RPS6KA5: variants seen among roughly 807,000 people sequenced by gnomAD.
RPS6KA5 encodes ribosomal protein S6 kinase alpha-5.
A neutral mutation model predicts 85.5 loss-of-function variants in RPS6KA5; 27 were observed. The ratio of observed to expected loss-of-function variants is 0.32; its 90% CI spans 0.23 to 0.44. RPS6KA5 has a LOEUF of 0.44. RPS6KA5 is among the 20% of genes least tolerant of loss of function. The pLI, the probability that RPS6KA5 is intolerant of heterozygous loss-of-function variation, is 1.00. For missense variants in RPS6KA5, 811 were observed against 980.9 expected (o/e 0.83, Z 2.31); for synonymous variants, 334 against 348.2 (o/e 0.96, Z 0.46).
intron 5 of RPS6KA5, among the ~76,000 whole-genome samples, chr14:90,933,415 G>C (rs2037092514): frequency 6.6e-6 from 1 of 151,916 alleles, no homozygotes; most frequent in African/African-American, 2.4e-5. Flanking sequence ...CAGCTGTTCT[G>C]GCCAAAAACC....
chr14:90,924,214 C>A (rs1286126), intron 5 of RPS6KA5, among the ~76,000 whole-genome samples: 1,540 of 152,184 alleles, frequency 0.01, 27 homozygotes, highest in African/African-American at 0.036. Flanking sequence ...TTATTTTAAA[C>A]CCTTGCCATC....
chr14:90,938,344 T>C (rs1286119), intron 5 of RPS6KA5, among the ~76,000 whole-genome samples: 117,296 of 152,152 alleles, frequency 0.77, 45,381 homozygotes, highest in East Asian at 0.97. Flanking sequence ...CACAGACTGG[T>C]GTTGAGTGTC....
At chr14:91,002,727 G>C (rs1285523050) in intron 1 of RPS6KA5, among the ~76,000 whole-genome samples, 3 of 152,106 alleles carry the variant, frequency 2.0e-5, no homozygotes, top group African/African-American at 7.2e-5. Context: ...TTAACCATAT[G>C]TACGTTGTTA....
intron 2 of RPS6KA5, among the ~76,000 whole-genome samples, chr14:90,983,691 G>C (rs1467365786): frequency 6.7e-6 from 1 of 149,642 alleles, no homozygotes; most frequent in Non-Finnish European, 1.5e-5. Context: ...GGAAGGGGAG[G>C]GGAAAGGGGC....
intron 16 of RPS6KA5, among the ~76,000 whole-genome samples, chr14:90,873,045 T>C (rs980268848): frequency 2.0e-5 from 3 of 151,984 alleles, no homozygotes; most frequent in Non-Finnish European, 4.4e-5. Flanking sequence ...TCCCTATACC[T>C]TCTCCTTTCT....
At chr14:90,946,472 A>C (rs1384058606) in intron 4 of RPS6KA5, among the ~76,000 whole-genome samples, 1 of 151,804 alleles carries the variant, frequency 6.6e-6, no homozygotes, top group African/African-American at 2.4e-5. Flanking sequence ...ATCTTACCAT[A>C]ATTTATTCTC....
intron 1 of RPS6KA5, among the ~76,000 whole-genome samples, chr14:91,019,333 GGTGA>G (rs147367751): frequency 1.4e-4 from 21 of 152,094 alleles, no homozygotes; most frequent in East Asian, 3.9e-4. Context: ...CTATAATGTG[GGTGA>G]GTGTCATCCA....
chr14:90,888,858 A>T (rs1336157313), intron 14 of RPS6KA5, among the ~76,000 whole-genome samples: 1 of 152,238 alleles, frequency 6.6e-6, no homozygotes, highest in Non-Finnish European at 1.5e-5. Context: ...CCGTATTACC[A>T]TAAACAAAGT....
intron 7 of RPS6KA5, among the ~76,000 whole-genome samples, chr14:90,915,461 AG>A (rs2036067366): frequency 6.6e-6 from 1 of 152,160 alleles, no homozygotes; most frequent in Non-Finnish European, 1.5e-5. Context: ...CCACATTGCA[AG>A]GAACTGAGAG....
intron 1 of RPS6KA5, among the ~76,000 whole-genome samples, chr14:91,034,667 C>T (rs764411861): frequency 1.3e-5 from 2 of 152,192 alleles, no homozygotes; most frequent in Non-Finnish European, 2.9e-5. Flanking sequence ...GCAACCTGCT[C>T]GGGTCCCCTT....
chr14:91,013,510 C>T (rs1309334655), intron 1 of RPS6KA5, among the ~76,000 whole-genome samples: 1 of 151,672 alleles, frequency 6.6e-6, no homozygotes, highest in East Asian at 1.9e-4. Flanking sequence ...AGAAAACCAC[C>T]AAAACAACAG....
Position 90,869,815 on chromosome 14 carries a change from G to C in RPS6KA5, c.*2259C>G, listed in dbSNP as rs1451088981. 2 of 152,186 alleles carry C rather than the reference G, an allele frequency of 1.3e-5. No homozygotes were observed. Among genetic ancestry groups the C allele is most frequent in the African/African-American group, 2.4e-5 (1 of 41,432 alleles). 9.4% of individuals were successfully genotyped at this position (152,186 alleles called of 1,614,324 possible). ...GCTGTCTTTTTGGTACTTATAAGTA[G>C]GGTGTAGATAAAGATATTTGACAAG... On this transcript the variant is annotated 3_prime_UTR_variant, in exon 17 of 17. Transcript: ENST00000614987.
At chr14:90,906,028 C>T (rs908112504) in intron 8 of RPS6KA5, 121 bp downstream of exon 8, 22 of 951,564 alleles carry the variant, frequency 2.3e-5, no homozygotes, top group African/African-American at 2.0e-4. Context: ...GTGCAATGTA[C>T]GTGAAAATGC....
At position 90,857,614 on chromosome 14, in the gene RPS6KA5, A is replaced by G. The variant is rs539587619; in HGVS notation, c.*14460T>C. On this transcript the variant is annotated 3_prime_UTR_variant, in exon 17 of 17. Transcript: ENST00000614987. ...CTTGCAAAAGGTAGGCCAAATATTG[A>G]TGTAGTGTGGGTGAACTGTGAACTG... 6.6e-6 allele frequency: 1 copy of G among 152,300 alleles called. No homozygotes were observed. Among genetic ancestry groups the G allele is most frequent in the East Asian group, 1.9e-4 (1 of 5,186 alleles). 9.4% of individuals were successfully genotyped at this position (152,300 alleles called of 1,614,324 possible). A position where few individuals can be genotyped will look rare whatever the true frequency, so the allele number is the denominator to read the frequency against.
Position 90,928,680 on chromosome 14 carries a change from T to C in RPS6KA5, c.619-5484A>G, listed in dbSNP as rs1453515087. On this transcript the variant is annotated intron_variant, in intron 5 of 16. Transcript: ENST00000614987. ...GAAGAAATAAAAACTCTAAATATAC[T>C]TGTAAATATTTTAAAAATTAAATCA... 3.3e-5 allele frequency among the ~76,000 whole-genome samples: 5 copies of C among 151,036 alleles called. No homozygotes were observed. The East Asian group carries it at 9.7e-4, about 29-fold the overall frequency.
At chr14:90,884,235 C>T (rs2034044981) in intron 14 of RPS6KA5, among the ~76,000 whole-genome samples, 1 of 152,186 alleles carries the variant, frequency 6.6e-6, no homozygotes, top group Non-Finnish European at 1.5e-5. Flanking sequence ...GGAATACGTG[C>T]ATGGCTGTCT....
At chr14:90,891,558 T>C (rs1386186441) in intron 13 of RPS6KA5, among the ~76,000 whole-genome samples, 2 of 152,152 alleles carry the variant, frequency 1.3e-5, no homozygotes, top group Admixed American at 6.5e-5. Flanking sequence ...AAATCCATTA[T>C]GCCTTTATAG....
intron 1 of RPS6KA5, among the ~76,000 whole-genome samples, chr14:91,059,138 A>G (rs1052909747): frequency 4.0e-5 from 6 of 151,786 alleles, no homozygotes; most frequent in Non-Finnish European, 8.8e-5. Flanking sequence ...GACCAGCCTG[A>G]CCAACGTGGA....
intron 14 of RPS6KA5, among the ~76,000 whole-genome samples, chr14:90,882,578 G>C (rs772047571): frequency 3.3e-5 from 5 of 152,138 alleles, no homozygotes; most frequent in Non-Finnish European, 5.9e-5. Context: ...ATGAAGTAAT[G>C]AACTCCCTCA....
Sources: allele counts gnomAD v4.1 joint callset (sites outside exome capture counted in the v4.1 genomes callset), GRCh38; gene constraint gnomAD v4.1.1; transcripts MANE v1.5; gene names NCBI Gene and HGNC (gene_info 2026-07-23, HGNC 2026-07-21).